The following HSH2D variants were observed in gnomAD, a reference collection of about 807,000 sequenced individuals.
The protein encoded by HSH2D is hematopoietic SH2 domain containing.
HSH2D carries 16 observed loss-of-function variants against 21.5 expected under a neutral mutation model. The observed-to-expected ratio is 0.74, with a 90% CI of 0.50 to 1.13. The LOEUF (loss-of-function observed/expected upper bound fraction) is 1.13. Among genes scored for constraint, HSH2D ranks in the 50% most tolerant of loss-of-function variants. The probability of loss-of-function intolerance (pLI) is 0.00; values close to 1 mark genes in which losing one functional copy is unlikely to be tolerated. For synonymous variants in HSH2D, 172 were observed against 184.7 expected (o/e 0.93, Z 0.56); for missense variants, 418 against 441.4 (o/e 0.95, Z 0.47).
chr19:16,140,054 G>T (rs890245402), upstream of HSH2D, among the ~76,000 whole-genome samples: 1 of 152,122 alleles, frequency 6.6e-6, no homozygotes, highest in Non-Finnish European at 1.5e-5. Flanking sequence ...CTAGAGCTGG[G>T]CCAGCGTACC....
chr19:16,145,056 T>C (rs1599413056), intron 1 of HSH2D, among the ~76,000 whole-genome samples: 1 of 122,860 alleles, frequency 8.1e-6, no homozygotes, highest in East Asian at 2.1e-4. Flanking sequence ...TTTTTTTTTG[T>C]GAGACAGAGT....
chr19:16,145,826 A>G (rs896334510), intron 1 of HSH2D, among the ~76,000 whole-genome samples: 4 of 152,182 alleles, frequency 2.6e-5, no homozygotes, highest in African/African-American at 9.6e-5. Flanking sequence ...CTGTAATCCC[A>G]GCACTTTGGG....
rs756362813 is a variant in HSH2D at position 16,153,115 on chromosome 19, G to A, written c.288G>A (p.Lys96=). 4 of 1,607,016 alleles carry A rather than the reference G, an allele frequency of 2.5e-6. No individual in the cohort carries two copies. Among genetic ancestry groups the A allele is most frequent in the Non-Finnish European group, 3.4e-6 (4 of 1,177,146 alleles). Residue 96 remains lysine, a synonymous_variant, in exon 4 of 6, where the codon AAG becomes AAA. Coordinates refer to ENST00000613986, the MANE Select transcript of HSH2D (RefSeq NM_001382417.1). ...DDGTFMIPGE[K]VAHTSLDALV... ...GGACTTTCATGATCCCCGGGGAGAAGGTGGCCCACACCTCGCTGGACGCCC... is the reference window on the plus strand; with the variant it reads ...GGACTTTCATGATCCCCGGGGAGAAAGTGGCCCACACCTCGCTGGACGCCC...
chr19:16,138,632 A>G (rs897629697), intron 1 of HSH2D, among the ~76,000 whole-genome samples: 2 of 150,082 alleles, frequency 1.3e-5, no homozygotes, highest in African/African-American at 4.9e-5. Context: ...TAATTTTTGT[A>G]TTTTTGGTAG....
At chr19:16,154,770 C>T (rs1286437935) in intron 5 of HSH2D, 1 of 295,294 alleles carries the variant, frequency 3.4e-6, no homozygotes, top group Admixed American at 4.8e-5. Context: ...GTGTGCCGGC[C>T]CCACCTCAGG....
In HSH2D at chr19:16,135,090, A is replaced by G. The variant is rs371210415; in HGVS notation, c.-324+855A>G. Among the ~76,000 whole-genome samples the G allele has an allele frequency of 5.8e-4, 89 of 152,228 alleles. No homozygotes were observed. In the South Asian group the frequency reaches 0.017, roughly 29 times the overall value. On this transcript the variant is annotated intron_variant, in intron 1 of 7. Transcript: ENST00000616645. ...TCAGAGTTCAAGACCAGCCTGGCCA[A>G]TATGGCAAAACCCCATCTTTACTAA...
upstream of HSH2D, among the ~76,000 whole-genome samples, chr19:16,143,065 A>C (rs1010170093): frequency 6.7e-6 from 1 of 149,912 alleles, no homozygotes; most frequent in African/African-American, 2.5e-5. Flanking sequence ...CACCGCGCCC[A>C]GTTTCTGTTC....
At chr19:16,136,035 G>A (rs913594023) in intron 1 of HSH2D, among the ~76,000 whole-genome samples, 1 of 152,232 alleles carries the variant, frequency 6.6e-6, no homozygotes, top group African/African-American at 2.4e-5. Flanking sequence ...AAACTCAGTG[G>A]GTTTGGGAAC....
In HSH2D at chr19:16,148,810, C is replaced by T; in HGVS notation, c.60C>T (p.His20=). ...PLPPRLDWFV[H]TQMGQLAQDG... ...CCCCACGGCTGGACTGGTTTGTGCACACCCAGATGGGCCAGCTGGCCCAAG... is the reference window on the plus strand; with the variant it reads ...CCCCACGGCTGGACTGGTTTGTGCATACCCAGATGGGCCAGCTGGCCCAAG... The change falls in exon 2 of 6, where the codon CAC becomes CAT. Residue 20 remains histidine, a synonymous_variant. Transcript: ENST00000613986. 1 of 1,613,852 alleles carries T rather than the reference C, an allele frequency of 6.2e-7. No homozygotes were observed. The highest frequency in any genetic ancestry group is 8.5e-7 in the Non-Finnish European group (1 of 1,179,828).
intron 1 of HSH2D, among the ~76,000 whole-genome samples, chr19:16,136,666 A>G (rs1235446765): frequency 1.3e-5 from 2 of 152,192 alleles, no homozygotes; most frequent in East Asian, 1.9e-4. Flanking sequence ...GGCAAGACCA[A>G]CGTGGAGACT....
intron 1 of HSH2D, among the ~76,000 whole-genome samples, chr19:16,147,285 G>A (rs1245093137): frequency 6.6e-6 from 1 of 151,728 alleles, no homozygotes; most frequent in Admixed American, 6.6e-5. Flanking sequence ...AGGAGTTTGA[G>A]ACCAATGTGG....
chr19:16,146,333 C>T (rs1048365941), intron 1 of HSH2D, among the ~76,000 whole-genome samples: 1 of 152,038 alleles, frequency 6.6e-6, no homozygotes, highest in South Asian at 2.1e-4. Flanking sequence ...CGTGTAGTGA[C>T]GTTGGTGGCA....
At chr19:16,146,723 T>G (rs1265607139) in intron 1 of HSH2D, among the ~76,000 whole-genome samples, 7 of 152,112 alleles carry the variant, frequency 4.6e-5, no homozygotes, top group Admixed American at 2.0e-4. Context: ...CAACCCTTTT[T>G]GACCACCACC....
At chr19:16,138,496 T>C (rs371283932) in intron 1 of HSH2D, among the ~76,000 whole-genome samples, 256 of 152,240 alleles carry the variant, frequency 1.7e-3, no homozygotes, top group African/African-American at 5.7e-3. Flanking sequence ...CTCGCTCTGT[T>C]GCCCAGGCTG....
intron 4 of HSH2D, among the ~76,000 whole-genome samples, chr19:16,153,875 C>A (rs989639180): frequency 4.1e-5 from 6 of 145,270 alleles, no homozygotes; most frequent in African/African-American, 1.3e-4. Flanking sequence ...CTGCTGTGGG[C>A]GGGGCATCTT....
In HSH2D at chr19:16,157,333, C is replaced by A; in HGVS notation, c.598C>A (p.Arg200Ser). ...CCCAAAATCCCCTCTTGGAGAGACC[C>A]GCCAGAAACTCTGGAGGAGCCTCAA... ...CPPKSPLGET[R>S]QKLWRSLKML... The change falls in exon 6 of 6, where the codon CGC (arginine) becomes AGC (serine). Residue 200 changes from arginine to serine, a missense_variant. Physicochemically the swap from Arg to Ser is moderately radical, Grantham distance 110. Coordinates refer to ENST00000613986, the MANE Select transcript of HSH2D (RefSeq NM_001382417.1). This position sits in a 1 kb window ranked among gnomAD's most constrained non-coding sequence, Gnocchi z 4.4. The A allele has an allele frequency of 1.2e-6, 2 of 1,613,884 alleles. No individual in the cohort carries two copies. The highest frequency in any genetic ancestry group is 1.7e-6 in the Non-Finnish European group (2 of 1,179,866).
At chr19:16,154,720 CTGT>C in intron 5 of HSH2D, 2 of 404,040 alleles carry the variant, frequency 5.0e-6, no homozygotes, top group South Asian at 5.1e-5. Context: ...GCCATACCGT[CTGT>C]TGTTCAGACA....
intron 2 of HSH2D, among the ~76,000 whole-genome samples, chr19:16,151,943 T>TGA: frequency 9.1e-6 from 1 of 109,564 alleles, no homozygotes. Context: ...CTGTCTCTAC[T>TGA]AAAAAAAAAA....
At chr19:16,143,877 A>G in intron 1 of HSH2D, 103 bp downstream of exon 1, 1 of 258,034 alleles carries the variant, frequency 3.9e-6, no homozygotes, top group Non-Finnish European at 8.4e-6. Context: ...GGCAGGAGGG[A>G]TTTTCTAGGG....
Sources: gnomAD v4.1 joint callset for allele counts (sites outside exome capture counted in the v4.1 genomes callset) on GRCh38, gnomAD v4.1.1 for gene constraint, Gnocchi (gnomAD v3.1) non-coding constraint, MANE v1.5 for transcripts, NCBI Gene and HGNC (gene_info 2026-07-23, HGNC 2026-07-21) for gene names.